The following SEMA3D variants were observed in gnomAD, a reference collection of about 807,000 sequenced individuals.
The protein encoded by SEMA3D is semaphorin-3D.
In SEMA3D, 84 loss-of-function variants were observed where a neutral mutation model predicts 100.1. The ratio of observed to expected loss-of-function variants is 0.84; its 90% CI spans 0.70 to 1.01. The LOEUF (loss-of-function observed/expected upper bound fraction) is 1.01. Ranked by LOEUF, SEMA3D falls within the 50% of genes least tolerant of loss-of-function variation. SEMA3D has a pLI of 0.00. For missense variants in SEMA3D, 875 were observed against 934.1 expected (o/e 0.94, Z 0.82); for synonymous variants, 312 against 320.7 (o/e 0.97, Z 0.29).
intron 12 of SEMA3D, chr7:85,029,615 A>G: frequency 2.2e-6 from 1 of 454,058 alleles, no homozygotes; most frequent in Non-Finnish European, 4.2e-6. Context: ...TGCTAGGAGG[A>G]ATGCCAGGGG....
At chr7:85,170,621 T>C (rs1234999573) in intron 1 of SEMA3D, among the ~76,000 whole-genome samples, 1 of 151,984 alleles carries the variant, frequency 6.6e-6, no homozygotes, top group Non-Finnish European at 1.5e-5. Context: ...TCTTATAATT[T>C]CTCTGGTATT....
intron 17 of SEMA3D, among the ~76,000 whole-genome samples, chr7:85,008,501 T>C (rs1362672662): frequency 6.6e-6 from 1 of 151,714 alleles, no homozygotes; most frequent in African/African-American, 2.4e-5. Context: ...TAAACGTACA[T>C]AGATGTATGC....
intron 2 of SEMA3D, among the ~76,000 whole-genome samples, chr7:85,143,636 T>C (rs1316669589): frequency 1.3e-5 from 2 of 152,064 alleles, no homozygotes; most frequent in Admixed American, 1.3e-4. Flanking sequence ...AAAGTTGTTA[T>C]GCAGCACATG....
chr7:85,105,445 A>T (rs1052532728), intron 3 of SEMA3D, among the ~76,000 whole-genome samples: 3 of 152,084 alleles, frequency 2.0e-5, no homozygotes, highest in Non-Finnish European at 2.9e-5. Context: ...CGTTCTGTTT[A>T]TCAAGATAAC....
chr7:85,176,614 TA>T (rs1308076938), intron 1 of SEMA3D, among the ~76,000 whole-genome samples: 1 of 151,928 alleles, frequency 6.6e-6, no homozygotes, highest in East Asian at 1.9e-4. Flanking sequence ...TTGGTATATA[TA>T]AAATTATATA....
chr7:85,177,051 T>C (rs935519503), intron 1 of SEMA3D, among the ~76,000 whole-genome samples: 1 of 152,252 alleles, frequency 6.6e-6, no homozygotes, highest in Non-Finnish European at 1.5e-5. Flanking sequence ...GGCTATACCA[T>C]CTAGGTTTGC....
chr7:85,038,199 A>C (rs1332598619), intron 11 of SEMA3D, among the ~76,000 whole-genome samples: 1 of 152,116 alleles, frequency 6.6e-6, no homozygotes. Flanking sequence ...AAGTATAATA[A>C]AAATAATAAT....
intron 2 of SEMA3D, among the ~76,000 whole-genome samples, chr7:85,131,334 A>G (rs1789719324): frequency 6.6e-6 from 1 of 152,108 alleles, no homozygotes. Flanking sequence ...TATAGTTTAA[A>G]CGGGGAGAAT....
chr7:85,231,808 CT>C, the SEMA3D span, among the ~76,000 whole-genome samples: 2 of 152,006 alleles, frequency 1.3e-5, no homozygotes, highest in East Asian at 1.9e-4. Context: ...ATTTTTCCAT[CT>C]TTTTTTTCAT....
At chr7:85,128,683 T>C (rs2116425884) in intron 2 of SEMA3D, among the ~76,000 whole-genome samples, 1 of 151,800 alleles carries the variant, frequency 6.6e-6, no homozygotes, top group East Asian at 1.9e-4. Context: ...CTATATCTAA[T>C]ATTATAAATA....
At chr7:85,046,388 T>C (rs1017374650) in intron 9 of SEMA3D, among the ~76,000 whole-genome samples, 2 of 151,962 alleles carry the variant, frequency 1.3e-5, no homozygotes, top group South Asian at 4.1e-4. Context: ...ACTGCATTTC[T>C]TTTAACCTGA....
intron 12 of SEMA3D, among the ~76,000 whole-genome samples, chr7:85,027,628 G>A (rs1451000847): frequency 1.3e-5 from 2 of 151,934 alleles, no homozygotes; most frequent in African/African-American, 4.8e-5. Flanking sequence ...TCACTAAAAG[G>A]ACATATTATA....
chr7:85,090,932 CA>C (rs1333242801), intron 4 of SEMA3D, among the ~76,000 whole-genome samples: 3 of 151,248 alleles, frequency 2.0e-5, no homozygotes, highest in African/African-American at 4.9e-5. Flanking sequence ...TATAAATGCT[CA>C]AACATAAAGG....
At chr7:85,078,122 T>C (rs1053378755) in intron 5 of SEMA3D, among the ~76,000 whole-genome samples, 1 of 152,108 alleles carries the variant, frequency 6.6e-6, no homozygotes, top group African/African-American at 2.4e-5. Flanking sequence ...ATAGATAAGA[T>C]AGAAAAATAA....
chr7:85,024,873 G>C (rs572574891), intron 12 of SEMA3D, among the ~76,000 whole-genome samples: 1 of 152,062 alleles, frequency 6.6e-6, no homozygotes, highest in East Asian at 1.9e-4. Context: ...TAGCTGTGCT[G>C]CACACAGATC....
the SEMA3D span, among the ~76,000 whole-genome samples, chr7:85,215,859 T>C: frequency 3.9e-5 from 6 of 152,090 alleles, no homozygotes. Flanking sequence ...TAATTATAGA[T>C]AATTTTCTTC....
the SEMA3D span, among the ~76,000 whole-genome samples, chr7:85,201,968 C>A: frequency 5.3e-5 from 8 of 151,956 alleles, no homozygotes; most frequent in African/African-American, 1.9e-4. Flanking sequence ...GACCCTCTCA[C>A]CTCATCATCT....
intron 9 of SEMA3D, 47 bp from the exon 10 acceptor site, chr7:85,042,332 T>C: frequency 7.5e-7 from 1 of 1,332,092 alleles, no homozygotes; most frequent in Non-Finnish European, 1.1e-6. Context: ...AACACAATTC[T>C]ACCACTCACT....
At position 85,055,820 on chromosome 7, in the gene SEMA3D, T is replaced by C. The variant is rs1271804474; in HGVS notation, c.758A>G (p.Tyr253Cys). The C allele has an allele frequency of 1.4e-5, 22 of 1,579,242 alleles. No homozygotes were observed. The highest frequency in any genetic ancestry group is 1.9e-5 in the Non-Finnish European group (22 of 1,153,566). The change falls in exon 9 of 19, where the codon TAC (tyrosine) becomes TGC (cysteine). Residue 253 changes from tyrosine (Y) to cysteine (C), a missense_variant. Transcript: ENST00000284136. ...ATATATTTTATCATCATCTGGATTG[T>C]AGGTGTCTGGTATGAAGAAAGTTCC... ...FIGTFFIPDTYNPDDDKIYFF... is the reference protein window; with the variant it reads ...FIGTFFIPDTCNPDDDKIYFF...
Sources: allele counts gnomAD v4.1 joint callset (sites outside exome capture counted in the v4.1 genomes callset), GRCh38; gene constraint gnomAD v4.1.1; transcripts MANE v1.5; gene names NCBI Gene and HGNC (gene_info 2026-07-23, HGNC 2026-07-21).